Variants in MRPL32 observed in about 807,000 individuals in gnomAD.
MRPL32 encodes the protein large ribosomal subunit protein bL32m.
In MRPL32, 14 loss-of-function variants were observed where a neutral mutation model predicts 21.7. The ratio of observed to expected loss-of-function variants is 0.64; its 90% CI spans 0.43 to 1.01. The LOEUF (loss-of-function observed/expected upper bound fraction) is 1.01. MRPL32 is among the 50% of genes least tolerant of loss of function. The pLI, the probability that MRPL32 is intolerant of heterozygous loss-of-function variation, is 0.00. For missense variants in MRPL32, 211 were observed against 235.9 expected (o/e 0.89, Z 0.69); for synonymous variants, 83 against 87.7 (o/e 0.95, Z 0.30).
intron 2 of MRPL32, 130 bp from the exon 3 acceptor site, chr7:42,937,192 A>G (rs1045061691): frequency 6.3e-6 from 10 of 1,576,330 alleles, no homozygotes; most frequent in Non-Finnish European, 7.7e-6. Flanking sequence ...GTGGAACTAG[A>G]TGGTGTATGA....
At chr7:42,934,890 A>G (rs1786400028) in intron 1 of MRPL32, 65 bp from the exon 2 acceptor site, 1 of 1,274,808 alleles carries the variant, frequency 7.8e-7, no homozygotes, top group South Asian at 1.7e-5. Context: ...AAGGAAAATG[A>G]TATCTGTAAA....
intron 2 of MRPL32, chr7:42,936,733 C>G (rs1315969334): frequency 1.3e-5 from 2 of 155,060 alleles, no homozygotes; most frequent in African/African-American, 5.0e-5. Flanking sequence ...ATTAAAATAC[C>G]CTAAGAATGT....
Position 42,935,096 on chromosome 7 carries a change from G to T in MRPL32, c.272G>T (p.Arg91Leu). The stretch of plus-strand genomic sequence containing the variant: ...AATAGACGCACCATTGAAGTTAACC[G>T]GTGTAGGAGAAGAAATCCGCAGAAG... The part of the protein sequence containing the change: ...PKNRRTIEVN[R>L]CRRRNPQKLI... The change falls in exon 2 of 3, where the codon CGG becomes CTG. Residue 91 changes from arginine to leucine, a missense_variant. Coordinates refer to ENST00000223324, the MANE Select transcript of MRPL32 (RefSeq NM_031903.3). The T allele has an allele frequency of 6.2e-7, 1 of 1,613,592 alleles. No homozygotes were observed. The highest frequency in any genetic ancestry group is 2.2e-5 in the East Asian group (1 of 44,874).
Position 42,932,525 on chromosome 7 carries a change from A to G in MRPL32, c.130+9A>G. On this transcript the variant is annotated intron_variant, in intron 1 of 2. Transcript: ENST00000223324. ...TCCCAGTCCTCCGTGGGGTAGGTAA[A>G]GAAGGGCTCCGTGGGAGAGGGGGCT... 2 of 1,593,406 alleles carry G rather than the reference A, an allele frequency of 1.3e-6. No individual in the cohort carries two copies. The highest frequency in any genetic ancestry group is 1.1e-5 in the South Asian group (1 of 90,282).
intron 2 of MRPL32, chr7:42,937,041 T>C (rs963729614): frequency 7.7e-6 from 4 of 517,526 alleles, no homozygotes; most frequent in African/African-American, 3.9e-5. Flanking sequence ...GGGAAATGAG[T>C]ATTTCTTTTT....
chr7:42,932,534 C>G lies in MRPL32; in HGVS notation c.130+18C>G, dbSNP rs1436802917. ...TCCGTGGGGTAGGTAAAGAAGGGCT[C>G]CGTGGGAGAGGGGGCTGATGACGGG... On this transcript the variant is annotated intron_variant, in intron 1 of 2. Transcript: ENST00000223324. The G allele has an allele frequency of 6.3e-7, 1 of 1,582,976 alleles. No homozygotes were observed. Among genetic ancestry groups the G allele is most frequent in the Admixed American group, 1.8e-5 (1 of 57,060 alleles).
intron 1 of MRPL32, 35 bp downstream of exon 1, chr7:42,932,551 G>A: frequency 1.3e-6 from 2 of 1,564,958 alleles, no homozygotes; most frequent in African/African-American, 1.4e-5. Flanking sequence ...AGAGGGGGCT[G>A]ATGACGGGAC....
At chr7:42,932,544 G>C (rs1394994350) in intron 1 of MRPL32, 28 bp downstream of exon 1, 1 of 1,572,502 alleles carries the variant, frequency 6.4e-7, no homozygotes. Context: ...CCGTGGGAGA[G>C]GGGGCTGATG....
chr7:42,932,614 T>TG (rs1562704940), intron 1 of MRPL32, 98 bp downstream of exon 1: 3 of 1,335,932 alleles, frequency 2.2e-6, no homozygotes, highest in Non-Finnish European at 3.0e-6. Context: ...GCCCCGGTTC[T>TG]GATCCGCGGC....
At chr7:42,934,217 G>A (rs1007479674) in intron 1 of MRPL32, among the ~76,000 whole-genome samples, 7 of 150,224 alleles carry the variant, frequency 4.7e-5, no homozygotes, top group African/African-American at 1.7e-4. Context: ...GCAGTGAGCC[G>A]AGGTCACGCC....
intron 2 of MRPL32, chr7:42,935,437 T>C: frequency 4.7e-6 from 1 of 211,664 alleles, no homozygotes. Flanking sequence ...TCTTGAGCTG[T>C]GTGAGTTTTG....
chr7:42,937,295 A>G (rs1436340001), intron 2 of MRPL32, 27 bp from the exon 3 acceptor site: 3 of 1,612,742 alleles, frequency 1.9e-6, no homozygotes, highest in East Asian at 4.5e-5. Context: ...CTCATGTTAA[A>G]ATACGTTTTT....
chr7:42,935,088 A>C lies in MRPL32; in HGVS notation c.264A>C (p.Glu88Asp). Residue 88 changes from glutamate to aspartate, a missense_variant, in exon 2 of 3, where the codon GAA becomes GAC. Glu to Asp is a conservative substitution (Grantham distance 45). Around this residue, in one of 2 missense-constraint regions of MRPL32, gnomAD observed 130 missense variants for 180.1 expected, o/e 0.72. Transcript: ENST00000223324. ...MAAPKNRRTIEVNRCRRRNPQ... is the reference protein window; with the variant it reads ...MAAPKNRRTIDVNRCRRRNPQ... ...CTCCCAAAAATAGACGCACCATTGAAGTTAACCGGTGTAGGAGAAGAAATC... is the reference window on the plus strand; with the variant it reads ...CTCCCAAAAATAGACGCACCATTGACGTTAACCGGTGTAGGAGAAGAAATC... The C allele has an allele frequency of 2.5e-6, 4 of 1,614,068 alleles. No homozygotes were observed. Among genetic ancestry groups the C allele is most frequent in the Non-Finnish European group, 3.4e-6 (4 of 1,180,006 alleles).
At chr7:42,932,611 T>A in intron 1 of MRPL32, 95 bp downstream of exon 1, 1 of 1,356,020 alleles carries the variant, frequency 7.4e-7, no homozygotes, top group Non-Finnish European at 9.7e-7. Context: ...TCAGCCCCGG[T>A]TCTGATCCGC....
chr7:42,932,596 C>G, intron 1 of MRPL32, 80 bp downstream of exon 1: 2 of 1,427,912 alleles, frequency 1.4e-6, no homozygotes, highest in South Asian at 2.9e-5. Flanking sequence ...TTACACAGTT[C>G]GCCCTCAGCC....
intron 2 of MRPL32, chr7:42,936,110 TG>T (rs1702396615): frequency 6.6e-6 from 1 of 152,218 alleles, no homozygotes; most frequent in African/African-American, 2.4e-5. Flanking sequence ...GAGTGATGGT[TG>T]GGGCTGAACT....
chr7:42,937,447 G>T lies in MRPL32; in HGVS notation c.438G>T (p.Gly146=), dbSNP rs1786444421. The change falls in exon 3 of 3, where the codon GGG becomes GGT. Residue 146 remains glycine (G), a synonymous_variant. Transcript: ENST00000223324. ...EIRRQIGKQE[G]GPFKAPTIET... ...GACGACAGATAGGGAAGCAAGAAGG[G>T]GGCCCTTTTAAGGCTCCCACCATAG... 1 of 1,613,920 alleles carries T rather than the reference G, an allele frequency of 6.2e-7. No individual in the cohort carries two copies. The highest frequency in any genetic ancestry group is 1.3e-5 in the African/African-American group (1 of 74,872).
At chr7:42,935,734 A>G (rs1391841758) in intron 2 of MRPL32, 1 of 152,212 alleles carries the variant, frequency 6.6e-6, no homozygotes, top group African/African-American at 2.4e-5. Flanking sequence ...GAAAAAACTG[A>G]GGCAAAAAGA....
chr7:42,933,265 G>A (rs549172153), intron 1 of MRPL32, among the ~76,000 whole-genome samples: 1 of 152,226 alleles, frequency 6.6e-6, no homozygotes, highest in East Asian at 1.9e-4. Flanking sequence ...ACTTTAAAGG[G>A]GGGGCCGAGG....
Sources: allele counts gnomAD v4.1 joint callset (sites outside exome capture counted in the v4.1 genomes callset), GRCh38; gene constraint gnomAD v4.1.1; regional missense constraint gnomAD v4.1.1; transcripts MANE v1.5; gene names NCBI Gene and HGNC (gene_info 2026-07-23, HGNC 2026-07-21).